GRM5: variants seen among roughly 807,000 people sequenced by gnomAD.
The protein encoded by GRM5 is glutamate metabotropic receptor 5.
Under a neutral mutation model 83.1 loss-of-function variants are expected in GRM5, and 19 were observed. That is an observed-to-expected ratio of 0.23 (90% CI 0.16 to 0.34). The LOEUF is 0.34. Ranked by LOEUF, GRM5 falls within the 10% of genes least tolerant of loss-of-function variation. The pLI is 1.00. For synonymous variants in GRM5, 675 were observed against 633.6 expected (o/e 1.07, Z -0.98); for missense variants, 1,160 against 1,588.3 (o/e 0.73, Z 4.58).
chr11:88,886,913 A>C (rs1300235028), intron 2 of GRM5, among the ~76,000 whole-genome samples: 1 of 152,178 alleles, frequency 6.6e-6, no homozygotes, highest in Non-Finnish European at 1.5e-5. Context: ...TTCGAGGAAC[A>C]GAGGGTCACC....
At chr11:88,705,528 T>C (rs1313444017) in intron 3 of GRM5, among the ~76,000 whole-genome samples, 1 of 152,008 alleles carries the variant, frequency 6.6e-6, no homozygotes, top group Non-Finnish European at 1.5e-5. Context: ...GGATGCACTA[T>C]AGCATGGTGA....
At chr11:88,912,189 A>T (rs532950834) in intron 2 of GRM5, 1 of 210,896 alleles carries the variant, frequency 4.7e-6, no homozygotes, top group African/African-American at 2.4e-5. Flanking sequence ...TTATTTTTCA[A>T]TAGGTATTCC....
intron 3 of GRM5, among the ~76,000 whole-genome samples, chr11:88,710,519 T>C (rs2135383632): frequency 6.6e-6 from 1 of 152,248 alleles, no homozygotes; most frequent in South Asian, 2.1e-4. Context: ...TACTCAGAAC[T>C]CAGCTTTCCA....
chr11:88,895,606 C>A (rs1945216568), intron 2 of GRM5, among the ~76,000 whole-genome samples: 1 of 151,856 alleles, frequency 6.6e-6, no homozygotes, highest in South Asian at 2.1e-4. Context: ...TCCCCACAAG[C>A]TAATCTGATT....
intron 4 of GRM5, among the ~76,000 whole-genome samples, chr11:88,639,270 C>A (rs1327455229): frequency 6.6e-6 from 1 of 152,148 alleles, no homozygotes; most frequent in Non-Finnish European, 1.5e-5. Context: ...CTCTACACAT[C>A]TCCAGCATTC....
Position 88,870,630 on chromosome 11 carries a change from A to T in GRM5, c.662-20475T>A, listed in dbSNP as rs1944749497. 2.0e-5 allele frequency among the ~76,000 whole-genome samples: 3 copies of T among 151,662 alleles called. No individual in the cohort carries two copies. The Admixed American group carries it at 2.0e-4, about 10-fold the overall frequency. On this transcript the variant is annotated intron_variant, in intron 2 of 9. Transcript: ENST00000305447. ...TGATAGACCAACTAACAGATAGGAT[A>T]GCCAGGCAGTAGAAGCTGATGTTTG...
At chr11:88,575,260 T>C (rs1943086191) in intron 7 of GRM5, among the ~76,000 whole-genome samples, 1 of 152,172 alleles carries the variant, frequency 6.6e-6, no homozygotes, top group African/African-American at 2.4e-5. Context: ...CTATATATCA[T>C]GTGTTATTCC....
At chr11:89,024,664 G>A (rs944898232) in intron 2 of GRM5, among the ~76,000 whole-genome samples, 6 of 151,850 alleles carry the variant, frequency 4.0e-5, no homozygotes, top group African/African-American at 1.5e-4. Context: ...AAAAATATCG[G>A]GAAAACAAAT....
chr11:89,034,668 G>A (rs1296649188), intron 2 of GRM5, among the ~76,000 whole-genome samples: 14 of 151,712 alleles, frequency 9.2e-5, no homozygotes, highest in Non-Finnish European at 1.5e-4. Flanking sequence ...GTATCACATG[G>A]ACCTCAAGCT....
chr11:88,902,718 G>A (rs1945331821), intron 2 of GRM5, among the ~76,000 whole-genome samples: 1 of 152,066 alleles, frequency 6.6e-6, no homozygotes, highest in South Asian at 2.1e-4. Flanking sequence ...CACTTTGGGA[G>A]GCCGAAGCAG....
intron 8 of GRM5, among the ~76,000 whole-genome samples, chr11:88,562,295 C>T (rs747700387): frequency 6.6e-6 from 1 of 151,974 alleles, no homozygotes; most frequent in African/African-American, 2.4e-5. Flanking sequence ...AAAGAATATA[C>T]TAATTTTCCA....
chr11:88,740,630 C>T (rs1378343260), intron 3 of GRM5, among the ~76,000 whole-genome samples: 1 of 151,970 alleles, frequency 6.6e-6, no homozygotes, highest in Non-Finnish European at 1.5e-5. Context: ...AGATTAGGAC[C>T]TCAGCAATCT....
At chr11:88,851,151 A>G (rs1217586243) in intron 2 of GRM5, among the ~76,000 whole-genome samples, 1 of 80,842 alleles carries the variant, frequency 1.2e-5, no homozygotes, top group South Asian at 9.0e-4. Context: ...TTCTAATTAC[A>G]TCCGCATTTC....
intron 2 of GRM5, among the ~76,000 whole-genome samples, chr11:88,951,321 T>C (rs1398834901): frequency 6.6e-6 from 1 of 152,182 alleles, no homozygotes; most frequent in African/African-American, 2.4e-5. Context: ...AAAATTATTC[T>C]AGGGTTAAAT....
intron 4 of GRM5, among the ~76,000 whole-genome samples, chr11:88,609,381 G>A (rs952281318): frequency 3.9e-5 from 6 of 152,136 alleles, no homozygotes; most frequent in Admixed American, 6.5e-5. Context: ...ATGGTACCAT[G>A]CATGCATATG....
chr11:88,664,886 C>T (rs568659303), intron 3 of GRM5, among the ~76,000 whole-genome samples: 1 of 152,234 alleles, frequency 6.6e-6, no homozygotes, highest in South Asian at 2.1e-4. Flanking sequence ...TTAGAATCCA[C>T]TGAGGGTCTT....
intron 3 of GRM5, among the ~76,000 whole-genome samples, chr11:88,727,249 A>AAAAC (rs1204190189): frequency 1.3e-5 from 2 of 152,128 alleles, no homozygotes; most frequent in African/African-American, 4.8e-5. Context: ...AGTCTCTGAT[A>AAAAC]AAACAGACTT....
chr11:88,912,434 A>G (rs1454711936), intron 2 of GRM5, among the ~76,000 whole-genome samples: 1 of 146,058 alleles, frequency 6.8e-6, no homozygotes, highest in Non-Finnish European at 1.5e-5. Flanking sequence ...AAAGGCTTGC[A>G]TTTGCCCTCT....
At chr11:89,040,443 C>T (rs1565347664) in intron 2 of GRM5, among the ~76,000 whole-genome samples, 1 of 152,156 alleles carries the variant, frequency 6.6e-6, no homozygotes, top group Non-Finnish European at 1.5e-5. Flanking sequence ...GTTGTCGTAG[C>T]TCACACCTGT....
Sources: allele counts gnomAD v4.1 joint callset (sites outside exome capture counted in the v4.1 genomes callset), GRCh38; gene constraint gnomAD v4.1.1; transcripts MANE v1.5; gene names NCBI Gene and HGNC (gene_info 2026-07-23, HGNC 2026-07-21).